The following TMEM200A variants were observed in gnomAD, a reference collection of about 807,000 sequenced individuals.
TMEM200A encodes two transmembrane C.
Under a neutral mutation model 24.3 loss-of-function variants are expected in TMEM200A, and 12 were observed. The ratio of observed to expected loss-of-function variants is 0.49; its 90% CI spans 0.32 to 0.80. TMEM200A has a LOEUF of 0.80. Among genes scored for constraint, TMEM200A ranks in the 30% least tolerant of loss-of-function variants. TMEM200A has a pLI of 0.04. For missense variants in TMEM200A, 545 were observed against 614.4 expected, an observed-to-expected ratio of 0.89 and a Z score of 1.19; for synonymous variants, 224 against 224.4, an observed-to-expected ratio of 1.00 and a Z score of 0.02.
At chr6:130,396,914 A>T (rs1184918428) in intron 2 of TMEM200A, among the ~76,000 whole-genome samples, 1 of 152,108 alleles carries the variant, frequency 6.6e-6, no homozygotes, top group Non-Finnish European at 1.5e-5. Flanking sequence ...AACCAGTAGG[A>T]TGTTGTGCAG....
chr6:130,441,640 T>C lies in TMEM200A; in HGVS notation c.1218T>C (p.Thr406=). Residue 406 remains threonine (T), a synonymous_variant, in exon 3 of 3, where the codon ACT becomes ACC. Transcript: ENST00000296978. ...TGGACTTAGACCGGGGTCCCTCCACTCTAACTGTTCAGGCAGAACAACGGA... is the reference window on the plus strand; with the variant it reads ...TGGACTTAGACCGGGGTCCCTCCACCCTAACTGTTCAGGCAGAACAACGGA... ...KSLDLDRGPS[T]LTVQAEQRKH... The C allele has an allele frequency of 6.2e-7, 1 of 1,614,000 alleles. No homozygotes were observed. The highest frequency in any genetic ancestry group is 8.5e-7 in the Non-Finnish European group (1 of 1,179,992).
chr6:130,435,102 C>G (rs376578983), intron 2 of TMEM200A, among the ~76,000 whole-genome samples: 5 of 150,704 alleles, frequency 3.3e-5, no homozygotes. Context: ...TTAGCCCAAA[C>G]TAATTTTGTA....
chr6:130,434,779 G>A (rs970792678), intron 2 of TMEM200A, among the ~76,000 whole-genome samples: 1 of 152,136 alleles, frequency 6.6e-6, no homozygotes, highest in African/African-American at 2.4e-5. Flanking sequence ...GGTTCAAAGG[G>A]AAGTGAACCC....
At chr6:130,403,363 G>A (rs968978096) in intron 2 of TMEM200A, among the ~76,000 whole-genome samples, 2 of 152,092 alleles carry the variant, frequency 1.3e-5, no homozygotes, top group African/African-American at 2.4e-5. Context: ...TTTAGATACT[G>A]TAATAATGAA....
At chr6:130,399,823 G>A (rs1324791618) in intron 2 of TMEM200A, among the ~76,000 whole-genome samples, 1 of 151,638 alleles carries the variant, frequency 6.6e-6, no homozygotes, top group African/African-American at 2.4e-5. Context: ...GTAGTGTTTT[G>A]TCCCTCGCCC....
chr6:130,441,346 C>T lies in TMEM200A; in HGVS notation c.924C>T (p.Ile308=). 6.2e-7 allele frequency: 1 copy of T among 1,614,128 alleles called. No individual in the cohort carries two copies. Among genetic ancestry groups the T allele is most frequent in the South Asian group, 1.1e-5 (1 of 91,086 alleles). The change falls in exon 3 of 3, where the codon ATC becomes ATT. Residue 308 remains isoleucine (I), a synonymous_variant. Transcript: ENST00000296978. ...TTGATGAGCCCAGTATAGATAACAT[C>T]ACTGAAGATGCTGACAACCTCAAAA... ...CVIDEPSIDN[I]TEDADNLKSR... is the part of the protein sequence containing the mutation.
At chr6:130,425,194 A>AT (rs1779701225) in intron 2 of TMEM200A, among the ~76,000 whole-genome samples, 1 of 152,192 alleles carries the variant, frequency 6.6e-6, no homozygotes, top group Non-Finnish European at 1.5e-5. Context: ...GCAAGTATCT[A>AT]TTGAATATTT....
intron 2 of TMEM200A, chr6:130,438,486 G>C (rs1780072805): frequency 1.3e-5 from 2 of 152,174 alleles, no homozygotes; most frequent in African/African-American, 2.4e-5. Flanking sequence ...CTACCAGCTA[G>C]ATATGGCAGC....
Position 130,440,974 on chromosome 6 carries a change from G to GT in TMEM200A, c.553dup (p.Tyr185LeufsTer46). On this transcript the variant is annotated frameshift_variant, in exon 3 of 3. Transcript: ENST00000296978. LOFTEE classifies it high-confidence loss of function. ...AGGAGCAAAGGCAAATGAACGGCATGTACACTGGTTTGATGGGAGAAACAG... is the reference window on the plus strand; with the variant it reads ...AGGAGCAAAGGCAAATGAACGGCATGTTACACTGGTTTGATGGGAGAAACAG... 2 of 1,614,120 alleles carry GT rather than the reference G, an allele frequency of 1.2e-6. No individual in the cohort carries two copies. Among genetic ancestry groups the GT allele is most frequent in the Non-Finnish European group, 1.7e-6 (2 of 1,180,018 alleles).
At chr6:130,382,441 C>A (rs1436333285) in intron 1 of TMEM200A, among the ~76,000 whole-genome samples, 1 of 152,170 alleles carries the variant, frequency 6.6e-6, no homozygotes, top group Non-Finnish European at 1.5e-5. Flanking sequence ...TCTTCTAGAC[C>A]CACCTTGAAT....
At chr6:130,387,403 G>C (rs1340326082) in intron 2 of TMEM200A, among the ~76,000 whole-genome samples, 1 of 152,136 alleles carries the variant, frequency 6.6e-6, no homozygotes, top group Non-Finnish European at 1.5e-5. Context: ...CTCCTGAGTA[G>C]CTGGGATTAC....
intron 2 of TMEM200A, among the ~76,000 whole-genome samples, chr6:130,396,160 T>C (rs1211296459): frequency 2.6e-5 from 4 of 152,194 alleles, no homozygotes; most frequent in African/African-American, 4.8e-5. Flanking sequence ...ATCTATTACG[T>C]TAGTATTTCT....
chr6:130,426,460 GCC>G (rs762866765), intron 2 of TMEM200A, among the ~76,000 whole-genome samples: 1 of 141,282 alleles, frequency 7.1e-6, no homozygotes, highest in Non-Finnish European at 1.5e-5. Flanking sequence ...CCTTTCTGCA[GCC>G]CCCCCCCCCT....
chr6:130,422,537 G>A (rs900460030), intron 2 of TMEM200A, among the ~76,000 whole-genome samples: 7 of 152,124 alleles, frequency 4.6e-5, no homozygotes. Flanking sequence ...AAAGTGCTAG[G>A]ATTACAGGCA....
At chr6:130,365,792 G>C, upstream of TMEM200A, 1 of 985,496 alleles carries the variant, frequency 1.0e-6, no homozygotes, top group Non-Finnish European at 1.2e-6. Flanking sequence ...TTTGTGGCCG[G>C]GACGCGGATC....
chr6:130,403,643 A>ATT (rs35695001), intron 2 of TMEM200A, among the ~76,000 whole-genome samples: 8 of 150,774 alleles, frequency 5.3e-5, no homozygotes, highest in South Asian at 4.2e-4. Context: ...TCATTTTGCT[A>ATT]TTTTTTTTTC....
chr6:130,404,317 C>T (rs1476184808), intron 2 of TMEM200A, among the ~76,000 whole-genome samples: 1 of 152,116 alleles, frequency 6.6e-6, no homozygotes, highest in Admixed American at 6.6e-5. Context: ...GTTCCTTTTT[C>T]TCCACAATCT....
At position 130,408,143 on chromosome 6, in the gene TMEM200A, T is replaced by C. The variant is rs367991171; in HGVS notation, c.-17+22907T>C. On this transcript the variant is annotated intron_variant, in intron 2 of 2. Transcript: ENST00000296978. Reference sequence around the variant, plus strand: ...TGCCCCGTAGTGCACAATACTGTAGTGGCCCAAAGGAAGGAGTTATGAAAC... The same window carrying C: ...TGCCCCGTAGTGCACAATACTGTAGCGGCCCAAAGGAAGGAGTTATGAAAC... Among the ~76,000 whole-genome samples the C allele has an allele frequency of 1.1e-4, 17 of 152,274 alleles. 2 individuals are homozygous for C. The highest frequency in any genetic ancestry group is 1.2e-4 in the African/African-American group (5 of 41,564).
rs372045186 is a variant in TMEM200A at position 130,441,883 on chromosome 6, T to A, written c.1461T>A (p.Ser487=). The part of the protein sequence containing the change: ...FLSNNLKRGT[S]ETRF ...GTAACAACCTAAAGAGGGGAACTTC[T>A]GAAACAAGGTTTTAATGTTAAAAGA... The change falls in exon 3 of 3, where the codon TCT becomes TCA. Residue 487 remains serine, a synonymous_variant. Coordinates refer to ENST00000296978, the MANE Select transcript of TMEM200A (RefSeq NM_001258277.2). 6.3e-6 allele frequency: 10 copies of A among 1,599,976 alleles called. No individual in the cohort carries two copies. In the African/African-American group the frequency reaches 1.4e-4, roughly 22 times the overall value.
Sources: allele counts gnomAD v4.1 joint callset (sites outside exome capture counted in the v4.1 genomes callset), GRCh38; gene constraint gnomAD v4.1.1; transcripts MANE v1.5; gene names NCBI Gene and HGNC (gene_info 2026-07-23, HGNC 2026-07-21).